Variants in NAV3 observed in about 807,000 individuals in gnomAD.
NAV3 encodes the protein neuron navigator 3.
In NAV3, 87 loss-of-function variants were observed where a neutral mutation model predicts 244.7. The ratio of observed to expected loss-of-function variants is 0.36; its 90% CI spans 0.30 to 0.42. NAV3 has a LOEUF of 0.42. NAV3 is among the 20% of genes least tolerant of loss of function. The pLI, the probability that NAV3 is intolerant of heterozygous loss-of-function variation, is 1.00. For missense variants in NAV3, 2,663 were observed against 2,893.3 expected (o/e 0.92, Z 1.83); for synonymous variants, 1,126 against 1,042.2 (o/e 1.08, Z -1.55).
chr12:77,742,352 G>A (rs1180090525), intron 2 of NAV3, among the ~76,000 whole-genome samples: 1 of 152,050 alleles, frequency 6.6e-6, no homozygotes, highest in Non-Finnish European at 1.5e-5. Flanking sequence ...AATGTAAAGT[G>A]TTGCAACATC....
intron 2 of NAV3, among the ~76,000 whole-genome samples, chr12:77,692,204 C>T (rs886515581): frequency 1.3e-5 from 2 of 151,904 alleles, no homozygotes; most frequent in Non-Finnish European, 2.9e-5. Context: ...TCTGTTTATA[C>T]AGTGAATATA....
At chr12:77,745,369 C>A (rs1405459851) in intron 2 of NAV3, among the ~76,000 whole-genome samples, 2 of 151,906 alleles carry the variant, frequency 1.3e-5, no homozygotes, top group African/African-American at 4.8e-5. Flanking sequence ...CTGAAAGAGA[C>A]AATGATGAAG....
chr12:78,096,216 T>C (rs1954243435), intron 12 of NAV3, among the ~76,000 whole-genome samples: 1 of 152,168 alleles, frequency 6.6e-6, no homozygotes, highest in African/African-American at 2.4e-5. Context: ...ATAAATAAAA[T>C]CTAGTTCTCT....
At chr12:77,960,872 A>ATTT (rs1565961084) in intron 3 of NAV3, among the ~76,000 whole-genome samples, 1 of 146,066 alleles carries the variant, frequency 6.8e-6, no homozygotes, top group Non-Finnish European at 1.5e-5. Context: ...CACATATAAT[A>ATTT]ATATATTGAT....
chr12:77,887,726 A>C lies in NAV3; in HGVS notation c.244-52593A>C, dbSNP rs536904072. Among the ~76,000 whole-genome samples, 4 of 152,270 alleles carry C rather than the reference A, an allele frequency of 2.6e-5. No homozygotes were observed. In the South Asian group the frequency reaches 8.3e-4, roughly 32 times the overall value. On this transcript the variant is annotated intron_variant, in intron 1 of 39. Transcript: ENST00000397909. Reference sequence around the variant, plus strand: ...TTTGTGAAATATTTTTAGAGTTTTAAACTAATTCAATATATAAAAATTAAT... The same window carrying C: ...TTTGTGAAATATTTTTAGAGTTTTACACTAATTCAATATATAAAAATTAAT...
intron 1 of NAV3, among the ~76,000 whole-genome samples, chr12:77,916,335 C>G (rs1025309907): frequency 6.0e-5 from 9 of 150,928 alleles, no homozygotes; most frequent in Admixed American, 6.0e-4. Flanking sequence ...ATCCAGGGAC[C>G]GTTTTGAAAG....
At chr12:77,640,701 T>C (rs1592530739) in intron 2 of NAV3, among the ~76,000 whole-genome samples, 2 of 152,114 alleles carry the variant, frequency 1.3e-5, no homozygotes, top group South Asian at 4.1e-4. Flanking sequence ...TGTGCTCTTA[T>C]CACACATATA....
chr12:78,066,980 C>T (rs1391379870), intron 12 of NAV3, among the ~76,000 whole-genome samples: 1 of 152,064 alleles, frequency 6.6e-6, no homozygotes, highest in African/African-American at 2.4e-5. Flanking sequence ...TGACAAAGGG[C>T]ACCATGCCAG....
intron 5 of NAV3, among the ~76,000 whole-genome samples, chr12:77,986,088 G>A (rs367720762): frequency 9.9e-5 from 15 of 152,136 alleles, no homozygotes; most frequent in East Asian, 1.9e-4. Flanking sequence ...AGGGCTGGGC[G>A]CGGTGGCTCA....
intron 2 of NAV3, among the ~76,000 whole-genome samples, chr12:77,753,335 TGTGTTTTTCACA>T (rs1374197838): frequency 6.6e-6 from 1 of 151,008 alleles, no homozygotes; most frequent in Non-Finnish European, 1.5e-5. Flanking sequence ...AATTTATGAC[TGTGTTTTTCACA>T]GTAAATGTTC....
intron 13 of NAV3, among the ~76,000 whole-genome samples, chr12:78,117,272 A>G (rs1170353899): frequency 7.8e-5 from 1 of 12,784 alleles, no homozygotes; most frequent in African/African-American, 2.0e-4. Context: ...ATACAAATAT[A>G]TTTATTTATT....
chr12:78,092,401 T>A (rs1407022720), intron 12 of NAV3, among the ~76,000 whole-genome samples: 3 of 151,430 alleles, frequency 2.0e-5, no homozygotes, highest in African/African-American at 7.3e-5. Context: ...AAATAATAGA[T>A]CTTTAAACAT....
chr12:78,051,652 A>T (rs185609822), intron 11 of NAV3, among the ~76,000 whole-genome samples: 1 of 152,200 alleles, frequency 6.6e-6, no homozygotes, highest in Non-Finnish European at 1.5e-5. Context: ...ATGGTATCAG[A>T]TTTCAATACA....
chr12:77,964,002 C>T (rs1892295298), intron 3 of NAV3, among the ~76,000 whole-genome samples: 1 of 146,564 alleles, frequency 6.8e-6, no homozygotes, highest in African/African-American at 2.5e-5. Context: ...TCCCTCCTCC[C>T]TCCTCCTCCC....
intron 12 of NAV3, among the ~76,000 whole-genome samples, chr12:78,089,225 C>CT (rs1363600852): frequency 1.3e-5 from 2 of 151,928 alleles, no homozygotes; most frequent in Non-Finnish European, 2.9e-5. Flanking sequence ...GTTCAGATTT[C>CT]TTTTTTCTGA....
intron 22 of NAV3, among the ~76,000 whole-genome samples, chr12:78,149,777 A>G (rs1193079269): frequency 6.6e-6 from 1 of 151,932 alleles, no homozygotes; most frequent in African/African-American, 2.4e-5. Flanking sequence ...TCTATCTCCT[A>G]GACAAAGCAT....
chr12:77,687,176 C>A (rs759761521), intron 2 of NAV3, among the ~76,000 whole-genome samples: 2 of 151,982 alleles, frequency 1.3e-5, no homozygotes, highest in South Asian at 4.1e-4. Flanking sequence ...ACTATCAGCC[C>A]GGAAAACTGT....
chr12:77,599,038 C>T (rs1460020290), intron 2 of NAV3, among the ~76,000 whole-genome samples: 1 of 151,910 alleles, frequency 6.6e-6, no homozygotes, highest in African/African-American at 2.4e-5. Flanking sequence ...ACCTACCCTA[C>T]TAAGCCCCTG....
intron 1 of NAV3, among the ~76,000 whole-genome samples, chr12:77,925,505 G>C (rs1888106904): frequency 6.8e-6 from 1 of 146,740 alleles, no homozygotes; most frequent in Admixed American, 7.0e-5. Flanking sequence ...CAATTGTGGT[G>C]CATTACAAAT....
Sources: allele counts gnomAD v4.1 joint callset (sites outside exome capture counted in the v4.1 genomes callset), GRCh38; gene constraint gnomAD v4.1.1; transcripts MANE v1.5; gene names NCBI Gene and HGNC (gene_info 2026-07-23, HGNC 2026-07-21).